DRC7: variants seen among roughly 807,000 people sequenced by gnomAD.
DRC7 encodes the protein coiled-coil domain containing 135.
DRC7 carries 80 observed loss-of-function variants against 104.4 expected under a neutral mutation model. The observed-to-expected ratio is 0.77, with a 90% CI of 0.64 to 0.92. DRC7 has a LOEUF of 0.92. DRC7 is among the 40% of genes least tolerant of loss of function. The pLI is 0.00. For missense variants in DRC7, 1,034 were observed against 1,141.1 expected (o/e 0.91, Z 1.35); for synonymous variants, 405 against 447.3 (o/e 0.91, Z 1.19).
At position 57,707,528 on chromosome 16, in the gene DRC7, G is replaced by C. The variant is rs374551775; in HGVS notation, c.927G>C (p.Ser309=). 1 of 1,613,502 alleles carries C rather than the reference G, an allele frequency of 6.2e-7. No homozygotes were observed. Residue 309 remains serine, a synonymous_variant, in exon 8 of 19, where the codon TCG becomes TCC. Coordinates refer to ENST00000360716, the MANE Select transcript of DRC7 (RefSeq NM_001289162.2). The part of the protein sequence containing the change: ...LRVHSWVLVL[S]GKREVPENFF... ...TGCACTCCTGGGTCCTTGTGCTATC[G>C]GGGAAGCGCGAGGTGCCTGAGAACT... is the stretch of plus-strand genomic sequence containing the variant.
At chr16:57,695,171 G>A (rs1230637301) in intron 1 of DRC7, among the ~76,000 whole-genome samples, 1 of 150,230 alleles carries the variant, frequency 6.7e-6, no homozygotes, top group Non-Finnish European at 1.5e-5. Flanking sequence ...CTCTGCCTCT[G>A]ATGGTGTTCT....
At chr16:57,696,621 T>G (rs1303668546) in intron 2 of DRC7, 27 bp downstream of exon 2, 3 of 152,282 alleles carry the variant, frequency 2.0e-5, no homozygotes, top group African/African-American at 7.2e-5. Flanking sequence ...CCCCGCTCAG[T>G]GTGGCTCTGC....
At chr16:57,730,093 G>C (rs1345351537) in intron 17 of DRC7, among the ~76,000 whole-genome samples, 2 of 131,676 alleles carry the variant, frequency 1.5e-5, no homozygotes, top group South Asian at 5.5e-4. Flanking sequence ...GAGTGGGTGG[G>C]TGGATGAGTG....
In DRC7 at chr16:57,717,289, C is replaced by T. The variant is rs746012124; in HGVS notation, c.1078-1058C>T. Among the ~76,000 whole-genome samples, 145 of 134,624 alleles carry T rather than the reference C, an allele frequency of 1.1e-3. 1 individual carries two copies. Among genetic ancestry groups the T allele is most frequent in the Non-Finnish European group, 1.7e-3 (107 of 64,814 alleles). The allele number at this position is 134,624 out of a possible 152,430, so 88.3% of individuals were successfully genotyped here. On this transcript the variant is annotated intron_variant, in intron 8 of 18. Transcript: ENST00000360716. ...TTACTCTGTCTCCCAGGCTGGAGTA[C>T]AGTGGTGTGTTCACAGCTCGCTGCA...
intron 6 of DRC7, among the ~76,000 whole-genome samples, chr16:57,704,547 G>C (rs898749866): frequency 1.3e-5 from 2 of 152,196 alleles, no homozygotes; most frequent in South Asian, 4.1e-4. Context: ...TGGGTGGTGA[G>C]GATTGAAGAG....
At chr16:57,706,015 CCCAT>C (rs1261351190) in intron 7 of DRC7, among the ~76,000 whole-genome samples, 1 of 128,560 alleles carries the variant, frequency 7.8e-6, no homozygotes, top group Non-Finnish European at 1.7e-5. Flanking sequence ...CCACCATCCT[CCCAT>C]CCATCCATCC....
intron 1 of DRC7, chr16:57,696,255 A>G (rs2048591322): frequency 6.6e-6 from 1 of 152,100 alleles, no homozygotes; most frequent in Non-Finnish European, 1.5e-5. Flanking sequence ...TAGAGGTGGC[A>G]CTCCAGGCCT....
chr16:57,698,514 C>A (rs1450840691), intron 3 of DRC7, among the ~76,000 whole-genome samples: 1 of 151,092 alleles, frequency 6.6e-6, no homozygotes, highest in Non-Finnish European at 1.5e-5. Context: ...TAGCAAGACC[C>A]CCCCACCCAT....
intron 8 of DRC7, among the ~76,000 whole-genome samples, chr16:57,715,878 G>C (rs1457883829): frequency 6.6e-6 from 1 of 152,170 alleles, no homozygotes; most frequent in Non-Finnish European, 1.5e-5. Flanking sequence ...CGAGGTGAAG[G>C]TGGAAGTGAG....
intron 8 of DRC7, chr16:57,714,170 A>T (rs1233080558): frequency 6.1e-6 from 1 of 164,772 alleles, no homozygotes; most frequent in Non-Finnish European, 1.3e-5. Context: ...GGTACAATTC[A>T]CTGACAGAGA....
intron 13 of DRC7, 22 bp downstream of exon 13, chr16:57,724,857 G>A: frequency 6.3e-7 from 1 of 1,587,786 alleles, no homozygotes; most frequent in Non-Finnish European, 8.6e-7. Context: ...CGGGGGCTGG[G>A]GACAGGTCGC....
At chr16:57,698,237 T>G in intron 3 of DRC7, 85 bp downstream of exon 3, 1 of 1,582,114 alleles carries the variant, frequency 6.3e-7, no homozygotes, top group South Asian at 1.1e-5. Context: ...GTGCCTGGTC[T>G]GGTAGGGTGA....
intron 8 of DRC7, among the ~76,000 whole-genome samples, chr16:57,708,965 C>T (rs1433182833): frequency 6.6e-6 from 1 of 151,436 alleles, no homozygotes; most frequent in Admixed American, 6.6e-5. Flanking sequence ...CCCGTCTCTA[C>T]TAAAAATACA....
chr16:57,699,050 G>A, intron 4 of DRC7, 26 bp downstream of exon 4: 1 of 1,608,824 alleles, frequency 6.2e-7, no homozygotes, highest in Non-Finnish European at 8.5e-7. Context: ...TGAGGGCAGG[G>A]CTGGGGAGCC....
At chr16:57,723,207 G>A (rs2048924914) in intron 12 of DRC7, 77 bp downstream of exon 12, 1 of 1,537,736 alleles carries the variant, frequency 6.5e-7, no homozygotes, top group Non-Finnish European at 8.8e-7. Context: ...GGTGGTATGT[G>A]GTGGCAGGAA....
intron 8 of DRC7, among the ~76,000 whole-genome samples, chr16:57,716,036 G>A (rs2148757017): frequency 6.6e-6 from 1 of 152,346 alleles, no homozygotes; most frequent in African/African-American, 2.4e-5. Flanking sequence ...AGGATGGCAA[G>A]GCATCCACAG....
chr16:57,718,585 C>G, intron 9 of DRC7, 110 bp downstream of exon 9: 1 of 1,273,586 alleles, frequency 7.9e-7, no homozygotes, highest in Non-Finnish European at 1.1e-6. Flanking sequence ...CCAAGTAGAC[C>G]AGTGATGGGT....
chr16:57,703,069 G>T (rs1344266110), intron 6 of DRC7, among the ~76,000 whole-genome samples: 1 of 151,810 alleles, frequency 6.6e-6, no homozygotes, highest in Non-Finnish European at 1.5e-5. Context: ...GTTTTTTATA[G>T]GTTCTCACTA....
chr16:57,727,478 C>A, intron 16 of DRC7, 69 bp downstream of exon 16: 1 of 1,155,314 alleles, frequency 8.7e-7, no homozygotes, highest in Non-Finnish European at 1.3e-6. Flanking sequence ...GTGGTGGGGA[C>A]CATGAGGGAT....
Sources: gnomAD v4.1 joint callset for allele counts (sites outside exome capture counted in the v4.1 genomes callset) on GRCh38, gnomAD v4.1.1 for gene constraint, MANE v1.5 for transcripts, NCBI Gene and HGNC (gene_info 2026-07-23, HGNC 2026-07-21) for gene names.